The following HS3ST4 variants were observed in gnomAD, a reference collection of about 807,000 sequenced individuals.
HS3ST4 encodes heparan sulfate-glucosamine 3-sulfotransferase 4.
Under a neutral mutation model 29.2 loss-of-function variants are expected in HS3ST4, and 17 were observed. That is an observed-to-expected ratio of 0.58 (90% CI 0.40 to 0.87). The LOEUF is 0.87. Ranked by LOEUF, HS3ST4 falls within the 40% of genes least tolerant of loss-of-function variation. The probability of loss-of-function intolerance (pLI) is 0.00; values close to 1 mark genes in which losing one functional copy is unlikely to be tolerated. For synonymous variants in HS3ST4, 314 were observed against 285.7 expected, an observed-to-expected ratio of 1.10 and a Z score of -1.00; for missense variants, 627 against 634.5, an observed-to-expected ratio of 0.99 and a Z score of 0.13.
chr16:25,760,226 A>T (rs1419021438), intron 1 of HS3ST4, among the ~76,000 whole-genome samples: 1 of 152,134 alleles, frequency 6.6e-6, no homozygotes, highest in Non-Finnish European at 1.5e-5. Flanking sequence ...TAATTTTCTC[A>T]CAGTTCCAGA....
chr16:25,734,434 G>A (rs574175952), intron 1 of HS3ST4, among the ~76,000 whole-genome samples: 216 of 152,308 alleles, frequency 1.4e-3, no homozygotes, highest in Middle Eastern at 6.8e-3. Flanking sequence ...GAATGTGAGT[G>A]TGTAGACTTG....
intron 1 of HS3ST4, among the ~76,000 whole-genome samples, chr16:26,109,060 T>A (rs1899093634): frequency 6.6e-6 from 1 of 152,006 alleles, no homozygotes; most frequent in Admixed American, 6.6e-5. Context: ...CTAAATTAAG[T>A]GTGGGATGAA....
intron 1 of HS3ST4, among the ~76,000 whole-genome samples, chr16:25,834,400 A>G (rs1967336614): frequency 2.0e-5 from 3 of 152,220 alleles, no homozygotes; most frequent in Non-Finnish European, 4.4e-5. Flanking sequence ...AGGTGCAAAA[A>G]GAATGATGAA....
intron 1 of HS3ST4, among the ~76,000 whole-genome samples, chr16:26,128,131 G>A (rs1303433152): frequency 2.6e-5 from 4 of 151,836 alleles, no homozygotes; most frequent in Non-Finnish European, 5.9e-5. Flanking sequence ...CTCTCTCGTA[G>A]GCATGTGGCA....
chr16:25,797,798 C>T (rs531538713), intron 1 of HS3ST4, among the ~76,000 whole-genome samples: 2 of 152,282 alleles, frequency 1.3e-5, no homozygotes, highest in African/African-American at 2.4e-5. Context: ...TGGAAATTGG[C>T]ATTACTCAAA....
chr16:25,853,858 G>A (rs1427992630), intron 1 of HS3ST4, among the ~76,000 whole-genome samples: 2 of 152,092 alleles, frequency 1.3e-5, no homozygotes, highest in African/African-American at 4.8e-5. Context: ...TCAGGGTGGT[G>A]CTAGTCTTGT....
At chr16:26,119,439 A>G (rs1899242764) in intron 1 of HS3ST4, among the ~76,000 whole-genome samples, 2 of 152,204 alleles carry the variant, frequency 1.3e-5, no homozygotes, top group Non-Finnish European at 1.5e-5. Context: ...CACTTATTGG[A>G]TGTGCTGCAG....
At position 25,693,020 on chromosome 16, in the gene HS3ST4, C is replaced by G. The variant is rs1452322190; in HGVS notation, c.603C>G (p.Leu201=). Residue 201 remains leucine, a synonymous_variant, in exon 1 of 2, where the codon CTC becomes CTG. Coordinates refer to ENST00000331351, the MANE Select transcript of HS3ST4 (RefSeq NM_006040.3). ...GGGAGAAGAAGCTGCCACAGGCGCTCATCATCGGGGTCAAGAAAGGAGGGA... is the reference window on the plus strand; with the variant it reads ...GGGAGAAGAAGCTGCCACAGGCGCTGATCATCGGGGTCAAGAAAGGAGGGA... The part of the protein sequence containing the change: ...DYGEKKLPQA[L]IIGVKKGGTR... The G allele has an allele frequency of 2.5e-6, 4 of 1,611,502 alleles. No homozygotes were observed. The highest frequency in any genetic ancestry group is 4.5e-5 in the East Asian group (2 of 44,810).
At chr16:25,767,082 G>A (rs1481627410) in intron 1 of HS3ST4, among the ~76,000 whole-genome samples, 4 of 152,110 alleles carry the variant, frequency 2.6e-5, no homozygotes, top group Non-Finnish European at 4.4e-5. Flanking sequence ...GAATTGCAAA[G>A]GGAAAAAATA....
intron 1 of HS3ST4, among the ~76,000 whole-genome samples, chr16:26,026,685 A>C (rs1292720668): frequency 6.6e-6 from 1 of 152,162 alleles, no homozygotes; most frequent in Non-Finnish European, 1.5e-5. Flanking sequence ...ATTTCTGCTC[A>C]TGTCATTTCT....
intron 1 of HS3ST4, among the ~76,000 whole-genome samples, chr16:26,115,905 G>A (rs1041675291): frequency 6.6e-6 from 1 of 152,210 alleles, no homozygotes; most frequent in African/African-American, 2.4e-5. Context: ...GCAGGCAACA[G>A]TATTATCATT....
At chr16:25,868,721 T>A (rs1254172717) in intron 1 of HS3ST4, among the ~76,000 whole-genome samples, 2 of 152,160 alleles carry the variant, frequency 1.3e-5, no homozygotes, top group African/African-American at 4.8e-5. Flanking sequence ...AAAAACTGGT[T>A]AGGAATCAAG....
chr16:26,019,126 G>A (rs796942209), intron 1 of HS3ST4, among the ~76,000 whole-genome samples: 23 of 152,112 alleles, frequency 1.5e-4, no homozygotes, highest in Admixed American at 6.6e-4. Flanking sequence ...CCAGTTACTC[G>A]TCTTTTCTCT....
chr16:25,958,699 G>T (rs1336446661), intron 1 of HS3ST4, among the ~76,000 whole-genome samples: 1 of 152,170 alleles, frequency 6.6e-6, no homozygotes, highest in Non-Finnish European at 1.5e-5. Context: ...GGATCTACTT[G>T]TAAGGGTCTC....
intron 1 of HS3ST4, among the ~76,000 whole-genome samples, chr16:25,993,087 C>G (rs1969127977): frequency 6.6e-6 from 1 of 152,196 alleles, no homozygotes; most frequent in South Asian, 2.1e-4. Flanking sequence ...GGGTGAGAAT[C>G]TAATTGGGAG....
intron 1 of HS3ST4, among the ~76,000 whole-genome samples, chr16:25,752,615 G>A (rs775218580): frequency 7.2e-5 from 11 of 152,162 alleles, no homozygotes; most frequent in Non-Finnish European, 1.2e-4. Flanking sequence ...TTTCTCAATA[G>A]CCACATGAAA....
intron 1 of HS3ST4, among the ~76,000 whole-genome samples, chr16:25,956,729 T>C (rs749933178): frequency 1.3e-5 from 2 of 151,936 alleles, no homozygotes; most frequent in Non-Finnish European, 2.9e-5. Flanking sequence ...CTGGGCGTGG[T>C]GGCTCATGCC....
intron 1 of HS3ST4, among the ~76,000 whole-genome samples, chr16:25,801,705 T>C (rs994738631): frequency 1.3e-5 from 2 of 152,178 alleles, no homozygotes; most frequent in South Asian, 2.1e-4. Context: ...ACGTTTTTCT[T>C]TGGGACATCG....
chr16:25,925,733 A>G (rs906743024), intron 1 of HS3ST4, among the ~76,000 whole-genome samples: 1 of 152,178 alleles, frequency 6.6e-6, no homozygotes, highest in African/African-American at 2.4e-5. Flanking sequence ...AAAGCCCTCC[A>G]TTAGCACAGG....
Sources: allele counts gnomAD v4.1 joint callset (sites outside exome capture counted in the v4.1 genomes callset), GRCh38; gene constraint gnomAD v4.1.1; transcripts MANE v1.5; gene names NCBI Gene and HGNC (gene_info 2026-07-23, HGNC 2026-07-21).